Variants in ASTN2 observed in about 807,000 individuals in gnomAD.
ASTN2 encodes astrotactin-2.
Under a neutral mutation model 139.8 loss-of-function variants are expected in ASTN2, and 54 were observed. The ratio of observed to expected loss-of-function variants is 0.39; its 90% CI spans 0.31 to 0.48. The LOEUF (loss-of-function observed/expected upper bound fraction) is 0.48. ASTN2 is among the 20% of genes least tolerant of loss of function. The pLI is 0.95. For missense variants in ASTN2, 1,565 were observed against 1,725.1 expected, an observed-to-expected ratio of 0.91 and a Z score of 1.64; for synonymous variants, 756 against 719.5, an observed-to-expected ratio of 1.05 and a Z score of -0.81.
intron 13 of ASTN2, among the ~76,000 whole-genome samples, chr9:116,749,268 C>G (rs1260710313): frequency 2.0e-5 from 3 of 152,164 alleles, no homozygotes; most frequent in Non-Finnish European, 2.9e-5. Flanking sequence ...ATTTAACACA[C>G]TCAAAAAGCT....
At chr9:116,518,134 T>C (rs896896752) in intron 19 of ASTN2, among the ~76,000 whole-genome samples, 7 of 152,038 alleles carry the variant, frequency 4.6e-5, no homozygotes, top group Non-Finnish European at 1.0e-4. Context: ...GGTCTACACA[T>C]CCAAATACAA....
At chr9:116,458,564 T>G (rs1305514526) in intron 20 of ASTN2, among the ~76,000 whole-genome samples, 1 of 151,900 alleles carries the variant, frequency 6.6e-6, no homozygotes, top group Non-Finnish European at 1.5e-5. Context: ...GGTTACAAGA[T>G]TAATATACAA....
chr9:117,377,068 T>A (rs367685949), intron 1 of ASTN2, among the ~76,000 whole-genome samples: 1 of 152,176 alleles, frequency 6.6e-6, no homozygotes, highest in African/African-American at 2.4e-5. Flanking sequence ...CAAGAGGGGA[T>A]AAATGCAATG....
intron 20 of ASTN2, among the ~76,000 whole-genome samples, chr9:116,446,095 A>T (rs1847978858): frequency 6.6e-6 from 1 of 151,928 alleles, no homozygotes; most frequent in South Asian, 2.1e-4. Context: ...CCTGATATGA[A>T]GGAGAGAGGG....
At chr9:117,123,640 T>C (rs1051115642) in intron 4 of ASTN2, among the ~76,000 whole-genome samples, 7 of 152,194 alleles carry the variant, frequency 4.6e-5, no homozygotes, top group African/African-American at 1.7e-4. Context: ...GTATTTCTAC[T>C]GGCTCTAGCC....
intron 16 of ASTN2, among the ~76,000 whole-genome samples, chr9:116,677,093 TA>T (rs1183823231): frequency 3.3e-5 from 5 of 152,268 alleles, no homozygotes; most frequent in African/African-American, 1.2e-4. Flanking sequence ...TAAAAGTGGA[TA>T]AACAAACTAT....
At chr9:117,217,310 T>A (rs534858311) in intron 2 of ASTN2, among the ~76,000 whole-genome samples, 1 of 152,272 alleles carries the variant, frequency 6.6e-6, no homozygotes, top group East Asian at 1.9e-4. Flanking sequence ...TTTGGGCATT[T>A]CATTCAGTGA....
intron 19 of ASTN2, among the ~76,000 whole-genome samples, chr9:116,529,495 G>A (rs1412925695): frequency 6.6e-6 from 1 of 152,134 alleles, no homozygotes; most frequent in African/African-American, 2.4e-5. Flanking sequence ...TCTCAGATGA[G>A]ACTTTGGACT....
intron 2 of ASTN2, among the ~76,000 whole-genome samples, chr9:117,247,977 G>T (rs1274951719): frequency 1.3e-5 from 2 of 152,178 alleles, no homozygotes; most frequent in Admixed American, 1.3e-4. Context: ...CCTGCACAGT[G>T]ATCTTTTTAT....
At chr9:117,149,554 G>A (rs1830280550) in intron 3 of ASTN2, among the ~76,000 whole-genome samples, 1 of 152,008 alleles carries the variant, frequency 6.6e-6, no homozygotes, top group Non-Finnish European at 1.5e-5. Flanking sequence ...TGCCAGGACT[G>A]GGGACAAGGT....
chr9:117,380,538 G>T (rs190492884), intron 1 of ASTN2, among the ~76,000 whole-genome samples: 29 of 151,326 alleles, frequency 1.9e-4, no homozygotes, highest in Admixed American at 3.3e-4. Context: ...CCAGGAGGTG[G>T]AGGTTGCAGT....
At chr9:116,447,695 G>T (rs147525631) in intron 20 of ASTN2, among the ~76,000 whole-genome samples, 175 of 152,278 alleles carry the variant, frequency 1.1e-3, no homozygotes, top group Non-Finnish European at 1.8e-3. Context: ...CACCATGAAG[G>T]GTTCTTGTTA....
intron 5 of ASTN2, among the ~76,000 whole-genome samples, chr9:117,058,375 A>ACC (rs1839129074): frequency 6.6e-6 from 1 of 152,182 alleles, no homozygotes; most frequent in African/African-American, 2.4e-5. Context: ...AAAAATAATG[A>ACC]CAGCTACCAT....
chr9:117,277,567 A>G (rs761072753), intron 2 of ASTN2, among the ~76,000 whole-genome samples: 1 of 152,172 alleles, frequency 6.6e-6, no homozygotes, highest in African/African-American at 2.4e-5. Context: ...CAGAAATTTC[A>G]CCCTAGGTAA....
intron 19 of ASTN2, among the ~76,000 whole-genome samples, chr9:116,506,674 T>C (rs1330800768): frequency 6.6e-6 from 1 of 152,108 alleles, no homozygotes; most frequent in Non-Finnish European, 1.5e-5. Context: ...GCTGTAGCCA[T>C]CTCCAACCCC....
chr9:116,943,663 A>G (rs141768524), intron 10 of ASTN2, among the ~76,000 whole-genome samples: 120 of 152,292 alleles, frequency 7.9e-4, no homozygotes, highest in Middle Eastern at 3.4e-3. Flanking sequence ...AATTTCCCCA[A>G]CATAAAATCC....
Position 116,609,324 on chromosome 9 carries a change from C to CTATA in ASTN2, c.3355+8999_3355+9000insTATA, listed in dbSNP as rs368559373. 0.012 allele frequency among the ~76,000 whole-genome samples: 1,373 copies of CTATA among 111,382 alleles called. 70 individuals carry two copies. In the South Asian group the frequency reaches 0.17, roughly 14 times the overall value. The allele number at this position is 111,382 out of a possible 152,430, so 73.1% of individuals were successfully genotyped here. A position where few individuals can be genotyped will look rare whatever the true frequency, so the allele number is the denominator to read the frequency against. On this transcript the variant is annotated intron_variant, in intron 19 of 22. Coordinates refer to ENST00000313400, the MANE Select transcript of ASTN2 (RefSeq NM_001365068.1). The stretch of plus-strand genomic sequence containing the variant: ...TCTCTCTCTCTCTCTCTCTCTCTCT[C>CTATA]TCTCTATATATATATACACACACAC...
At chr9:117,017,988 C>T (rs899065297) in intron 6 of ASTN2, among the ~76,000 whole-genome samples, 1 of 150,868 alleles carries the variant, frequency 6.6e-6, no homozygotes, top group South Asian at 2.1e-4. Flanking sequence ...CTTGCTCTCA[C>T]TTACCCAGGC....
At chr9:117,198,298 T>C (rs1349645267) in intron 3 of ASTN2, among the ~76,000 whole-genome samples, 1 of 152,176 alleles carries the variant, frequency 6.6e-6, no homozygotes, top group Non-Finnish European at 1.5e-5. Context: ...TCTCTTCCTA[T>C]GTAAGTGTGC....
Sources: allele counts gnomAD v4.1 joint callset (sites outside exome capture counted in the v4.1 genomes callset), GRCh38; gene constraint gnomAD v4.1.1; transcripts MANE v1.5; gene names NCBI Gene and HGNC (gene_info 2026-07-23, HGNC 2026-07-21).